Variants in RTN4RL1 observed in about 807,000 individuals in gnomAD.
RTN4RL1 encodes the protein reticulon-4 receptor-like 1.
Under a neutral mutation model 25.6 loss-of-function variants are expected in RTN4RL1, and 7 were observed. The ratio of observed to expected loss-of-function variants is 0.27; its 90% CI spans 0.16 to 0.51. RTN4RL1 has a LOEUF of 0.51. Ranked by LOEUF, RTN4RL1 falls within the 20% of genes least tolerant of loss-of-function variation. RTN4RL1 has a pLI of 0.97. For missense variants in RTN4RL1, 500 were observed against 615.6 expected (o/e 0.81, Z 1.99); for synonymous variants, 297 against 288.2 (o/e 1.03, Z -0.31).
intron 1 of RTN4RL1, among the ~76,000 whole-genome samples, chr17:1,963,700 T>G (rs1259255145): frequency 6.6e-6 from 1 of 152,196 alleles, no homozygotes; most frequent in African/African-American, 2.4e-5. Context: ...CTCTCAAGCT[T>G]CCGGGTGCAA....
Position 1,991,400 on chromosome 17 carries a change from C to G in RTN4RL1, c.13+33453G>C, listed in dbSNP as rs1201697785. Among the ~76,000 whole-genome samples the G allele has an allele frequency of 7.8e-5, 11 of 141,146 alleles. No individual in the cohort carries two copies. The Admixed American group carries it at 8.1e-4, about 10-fold the overall frequency. 92.6% of individuals were successfully genotyped at this position (141,146 alleles called of 152,430 possible). On this transcript the variant is annotated intron_variant, in intron 1 of 1. Coordinates refer to ENST00000331238, the MANE Select transcript of RTN4RL1 (RefSeq NM_178568.4). ...CCTGTGAGTTTGTTTTTTTTTGAACCTCCCCCAACTTTCTTTTTAATCGAA... is the reference window on the plus strand; with the variant it reads ...CCTGTGAGTTTGTTTTTTTTTGAACGTCCCCCAACTTTCTTTTTAATCGAA...
intron 1 of RTN4RL1, among the ~76,000 whole-genome samples, chr17:1,968,925 T>A (rs2066805343): frequency 6.6e-6 from 1 of 152,124 alleles, no homozygotes; most frequent in Admixed American, 6.6e-5. Context: ...CCAGGCCACA[T>A]ATAAAAATAG....
At chr17:1,963,809 G>T (rs753993823) in intron 1 of RTN4RL1, among the ~76,000 whole-genome samples, 1 of 152,076 alleles carries the variant, frequency 6.6e-6, no homozygotes, top group Non-Finnish European at 1.5e-5. Flanking sequence ...TCGGCTGAGC[G>T]CAACCTCCAC....
chr17:2,013,955 G>T (rs555935032), intron 1 of RTN4RL1, among the ~76,000 whole-genome samples: 1 of 152,228 alleles, frequency 6.6e-6, no homozygotes, highest in East Asian at 1.9e-4. Flanking sequence ...ACCCACAGTG[G>T]TAATTACTTG....
intron 1 of RTN4RL1, among the ~76,000 whole-genome samples, chr17:1,971,896 A>G (rs1179837016): frequency 1.4e-5 from 2 of 147,056 alleles, no homozygotes. Context: ...TGGGAGGCGG[A>G]GCTTGCAGTG....
chr17:1,956,727 C>T (rs1256452446), intron 1 of RTN4RL1, among the ~76,000 whole-genome samples: 1 of 148,336 alleles, frequency 6.7e-6, no homozygotes. Context: ...TCACTGCATA[C>T]CTGTCGGGAA....
intron 1 of RTN4RL1, among the ~76,000 whole-genome samples, chr17:1,972,090 A>C (rs1391474551): frequency 6.6e-6 from 1 of 151,946 alleles, no homozygotes; most frequent in Non-Finnish European, 1.5e-5. Flanking sequence ...GTGAACTGTG[A>C]TCACACCACT....
intron 1 of RTN4RL1, among the ~76,000 whole-genome samples, chr17:2,002,345 T>G (rs1275159415): frequency 2.0e-5 from 3 of 150,910 alleles, no homozygotes; most frequent in Admixed American, 6.6e-5. Context: ...CAGGCTGGAG[T>G]GCAGTGGCGC....
chr17:1,959,237 G>A (rs1387114477), intron 1 of RTN4RL1, among the ~76,000 whole-genome samples: 1 of 152,226 alleles, frequency 6.6e-6, no homozygotes, highest in Non-Finnish European at 1.5e-5. Context: ...CCTTTAATAA[G>A]CACCTACTAT....
At position 1,959,551 on chromosome 17, in the gene RTN4RL1, G is replaced by T. The variant is rs114612138; in HGVS notation, c.14-21743C>A. Among the ~76,000 whole-genome samples, 866 of 152,076 alleles carry T rather than the reference G, an allele frequency of 5.7e-3. 10 individuals are homozygous for T. The highest frequency in any genetic ancestry group is 0.02 in the African/African-American group (818 of 41,488). On this transcript the variant is annotated intron_variant, in intron 1 of 1. Transcript: ENST00000331238. ...CCTGTCCCCAGGTGAGCTTGTCCAG[G>T]CCCAAGTCTTTGTTTTGTTTTGTTT...
At chr17:2,022,472 G>A (rs1230455164) in intron 1 of RTN4RL1, among the ~76,000 whole-genome samples, 1 of 152,166 alleles carries the variant, frequency 6.6e-6, no homozygotes, top group East Asian at 1.9e-4. Flanking sequence ...TTTTCGCTTG[G>A]AAACTTTGGG....
At chr17:2,021,551 CTTTTTT>C (rs767770637) in intron 1 of RTN4RL1, among the ~76,000 whole-genome samples, 10 of 106,188 alleles carry the variant, frequency 9.4e-5, no homozygotes, top group East Asian at 6.4e-4. Flanking sequence ...CATCCTATAC[CTTTTTT>C]TTTTTTTTTT....
At chr17:1,956,795 C>A (rs1260245981) in intron 1 of RTN4RL1, among the ~76,000 whole-genome samples, 1 of 147,912 alleles carries the variant, frequency 6.8e-6, no homozygotes, top group Non-Finnish European at 1.5e-5. Flanking sequence ...CAGGCTAGAG[C>A]GCAATGGTGC....
In RTN4RL1 at chr17:1,936,828, G is replaced by A; in HGVS notation, c.994C>T (p.Pro332Ser). The A allele has an allele frequency of 1.3e-6, 2 of 1,585,398 alleles. No individual in the cohort carries two copies. The highest frequency in any genetic ancestry group is 1.7e-4 in the Middle Eastern group (1 of 5,862). ...DRAARKEHHS[P>S]HGPTRSKGHP... ...CCCTTGCTCCTGGTGGGGCCGTGGG[G>A]TGAGTGGTGTTCCTTGCGGGCGGCC... The change falls in exon 2 of 2, where the codon CCC (proline) becomes TCC (serine). Residue 332 changes from proline (P) to serine (S), a missense_variant. Physicochemically the swap from Pro to Ser is moderately conservative, Grantham distance 74. Around this residue, in one of 2 missense-constraint regions of RTN4RL1, gnomAD observed 268 missense variants for 274.5 expected, o/e 0.98. Coordinates refer to ENST00000331238, the MANE Select transcript of RTN4RL1 (RefSeq NM_178568.4).
At chr17:1,971,782 G>A (rs1472968446) in intron 1 of RTN4RL1, among the ~76,000 whole-genome samples, 1 of 151,928 alleles carries the variant, frequency 6.6e-6, no homozygotes, top group Non-Finnish European at 1.5e-5. Context: ...CTAACATGGT[G>A]AAACCCCGTC....
At chr17:1,982,695 G>A (rs1287920235) in intron 1 of RTN4RL1, among the ~76,000 whole-genome samples, 2 of 152,214 alleles carry the variant, frequency 1.3e-5, no homozygotes, top group Non-Finnish European at 2.9e-5. Context: ...CCTCGACGCC[G>A]TGCAGGAAGC....
intron 1 of RTN4RL1, among the ~76,000 whole-genome samples, chr17:1,975,305 G>C (rs1482082535): frequency 4.6e-5 from 7 of 152,116 alleles, no homozygotes; most frequent in Admixed American, 6.6e-5. Context: ...GGTAGTAAAA[G>C]GGTTTCAATG....
chr17:1,996,134 C>T (rs2066928563), intron 1 of RTN4RL1, among the ~76,000 whole-genome samples: 1 of 152,192 alleles, frequency 6.6e-6, no homozygotes, highest in South Asian at 2.1e-4. Flanking sequence ...TTTCCCGGTA[C>T]TCTCATCATC....
chr17:1,945,741 A>G (rs932287602), intron 1 of RTN4RL1, among the ~76,000 whole-genome samples: 2 of 152,096 alleles, frequency 1.3e-5, no homozygotes, highest in Admixed American at 1.3e-4. Context: ...ATCTCTCCGC[A>G]CTGAGTGTAT....
Sources: allele counts gnomAD v4.1 joint callset (sites outside exome capture counted in the v4.1 genomes callset), GRCh38; gene constraint gnomAD v4.1.1; regional missense constraint gnomAD v4.1.1; transcripts MANE v1.5; gene names NCBI Gene and HGNC (gene_info 2026-07-23, HGNC 2026-07-21).